Variants in RAB3C observed in about 807,000 individuals in gnomAD.
RAB3C encodes the protein ras-related protein Rab-3C.
RAB3C carries 17 observed loss-of-function variants against 26.4 expected under a neutral mutation model. That is an observed-to-expected ratio of 0.64 (90% confidence interval 0.44 to 0.97). The LOEUF (loss-of-function observed/expected upper bound fraction) is 0.97. Among genes scored for constraint, RAB3C ranks in the 50% least tolerant of loss-of-function variants. The pLI is 0.00. For synonymous variants in RAB3C, 91 were observed against 95.9 expected, an observed-to-expected ratio of 0.95 and a Z score of 0.30; for missense variants, 242 against 281.9, an observed-to-expected ratio of 0.86 and a Z score of 1.01.
chr5:58,745,361 A>C (rs1171590238), intron 3 of RAB3C, among the ~76,000 whole-genome samples: 3 of 133,514 alleles, frequency 2.2e-5, no homozygotes, highest in Non-Finnish European at 4.6e-5. Flanking sequence ...GCACCACTGC[A>C]CTCCAGCCTG....
chr5:58,840,857 A>G (rs2112079346), intron 4 of RAB3C, among the ~76,000 whole-genome samples: 2 of 152,112 alleles, frequency 1.3e-5, no homozygotes, highest in East Asian at 3.9e-4. Context: ...GTGCTAGCTA[A>G]CTTGGAGTCA....
chr5:58,627,658 G>A (rs1747088749), intron 2 of RAB3C, among the ~76,000 whole-genome samples: 1 of 151,932 alleles, frequency 6.6e-6, no homozygotes, highest in Non-Finnish European at 1.5e-5. Context: ...CTTTTTCCTT[G>A]TGCTTTTACT....
At chr5:58,819,242 G>A (rs1743285110) in intron 3 of RAB3C, among the ~76,000 whole-genome samples, 1 of 152,176 alleles carries the variant, frequency 6.6e-6, no homozygotes, top group Admixed American at 6.6e-5. Flanking sequence ...TACAGATGAA[G>A]ATACTGAACT....
chr5:58,583,816 T>C (rs141787885), intron 1 of RAB3C, among the ~76,000 whole-genome samples: 1 of 152,240 alleles, frequency 6.6e-6, no homozygotes, highest in Non-Finnish European at 1.5e-5. Flanking sequence ...ACACAACTGG[T>C]TTACTCTGTT....
At chr5:58,716,351 A>G (rs557768524) in intron 2 of RAB3C, among the ~76,000 whole-genome samples, 2 of 152,276 alleles carry the variant, frequency 1.3e-5, no homozygotes, top group South Asian at 4.1e-4. Context: ...TGATAACATC[A>G]AACAGAAAGC....
intron 2 of RAB3C, among the ~76,000 whole-genome samples, chr5:58,681,125 G>A (rs980974266): frequency 7.9e-5 from 12 of 152,210 alleles, no homozygotes; most frequent in African/African-American, 2.9e-4. Flanking sequence ...ATCAAGGCTT[G>A]TTTCTAATCC....
chr5:58,806,235 T>C (rs1351664474), intron 3 of RAB3C, among the ~76,000 whole-genome samples: 1 of 152,208 alleles, frequency 6.6e-6, no homozygotes, highest in African/African-American at 2.4e-5. Context: ...AGTAAAATGA[T>C]GATAACGTTA....
At chr5:58,602,128 T>G (rs371672062) in intron 1 of RAB3C, among the ~76,000 whole-genome samples, 4 of 152,264 alleles carry the variant, frequency 2.6e-5, no homozygotes, top group African/African-American at 9.6e-5. Flanking sequence ...CAGGAGCAGG[T>G]CATTTAACTT....
At chr5:58,693,213 TATAA>T (rs1432637702) in intron 2 of RAB3C, among the ~76,000 whole-genome samples, 7 of 146,454 alleles carry the variant, frequency 4.8e-5, no homozygotes, top group East Asian at 3.9e-4. Flanking sequence ...AATTTAATTA[TATAA>T]ATATAGTTAA....
chr5:58,787,168 G>A (rs745984893), intron 3 of RAB3C, among the ~76,000 whole-genome samples: 2 of 152,182 alleles, frequency 1.3e-5, no homozygotes, highest in Non-Finnish European at 2.9e-5. Context: ...GGGAAGCCCC[G>A]GGAGCTCAGA....
At chr5:58,683,741 T>G (rs973301252) in intron 2 of RAB3C, among the ~76,000 whole-genome samples, 1 of 152,206 alleles carries the variant, frequency 6.6e-6, no homozygotes, top group Admixed American at 6.5e-5. Context: ...GTCTAGGACA[T>G]GAGTCATCCC....
At chr5:58,813,637 C>CAT (rs1743146397) in intron 3 of RAB3C, among the ~76,000 whole-genome samples, 1 of 15,532 alleles carries the variant, frequency 6.4e-5, no homozygotes, top group Non-Finnish European at 1.6e-4. Context: ...TATATATACA[C>CAT]ACACACACAC....
intron 2 of RAB3C, among the ~76,000 whole-genome samples, chr5:58,659,149 G>A (rs1189356768): frequency 6.6e-6 from 1 of 152,166 alleles, no homozygotes; most frequent in South Asian, 2.1e-4. Context: ...AATCACATAG[G>A]AAAACAATTC....
chr5:58,661,484 G>C (rs896312925), intron 2 of RAB3C, among the ~76,000 whole-genome samples: 3 of 149,468 alleles, frequency 2.0e-5, no homozygotes, highest in African/African-American at 7.7e-5. Context: ...ATTTGCTATT[G>C]CATGCCTGAC....
intron 4 of RAB3C, among the ~76,000 whole-genome samples, chr5:58,830,264 A>G (rs562997948): frequency 1.3e-5 from 2 of 152,340 alleles, no homozygotes; most frequent in East Asian, 1.9e-4. Flanking sequence ...CTAACAAAGA[A>G]TATACTAATG....
At chr5:58,661,536 C>CA (rs1385699147) in intron 2 of RAB3C, among the ~76,000 whole-genome samples, 2 of 148,690 alleles carry the variant, frequency 1.3e-5, no homozygotes. Flanking sequence ...CCCATTGGAG[C>CA]AAATGACAAT....
intron 3 of RAB3C, among the ~76,000 whole-genome samples, chr5:58,749,369 G>A (rs776490404): frequency 6.6e-6 from 1 of 152,078 alleles, no homozygotes; most frequent in Non-Finnish European, 1.5e-5. Flanking sequence ...CCATTATGTG[G>A]AGCACACATT....
At chr5:58,843,188 T>C (rs148949657) in intron 4 of RAB3C, among the ~76,000 whole-genome samples, 1 of 152,244 alleles carries the variant, frequency 6.6e-6, no homozygotes, top group Admixed American at 6.5e-5. Flanking sequence ...TAAATGTTAG[T>C]TACATTTAAG....
rs113639312 is a variant in RAB3C at position 58,737,990 on chromosome 5, C to A, written c.371+11870C>A. ...GTAGCACATTCTTTCCCTAAAACAG[C>A]ATTTTATTTTTTGGATGGGGGTATA... On this transcript the variant is annotated intron_variant, in intron 3 of 4. Transcript: ENST00000282878. Among the ~76,000 whole-genome samples, 728 of 152,214 alleles carry A rather than the reference C, an allele frequency of 4.8e-3. 3 individuals carry two copies. The highest frequency in any genetic ancestry group is 0.015 in the African/African-American group (633 of 41,542).
Sources: allele counts gnomAD v4.1 joint callset (sites outside exome capture counted in the v4.1 genomes callset), GRCh38; gene constraint gnomAD v4.1.1; transcripts MANE v1.5; gene names NCBI Gene and HGNC (gene_info 2026-07-23, HGNC 2026-07-21).